PCDHGA8: variants seen among roughly 807,000 people sequenced by gnomAD.
The protein encoded by PCDHGA8 is protocadherin gamma-A8.
PCDHGA8 carries 45 observed loss-of-function variants against 59.2 expected under a neutral mutation model. The ratio of observed to expected loss-of-function variants is 0.76; its 90% confidence interval spans 0.60 to 0.98. The LOEUF is 0.98. Among genes scored for constraint, PCDHGA8 ranks in the 50% least tolerant of loss-of-function variants. The pLI is 0.00. For synonymous variants in PCDHGA8, 531 were observed against 519.0 expected (o/e 1.02, Z -0.32); for missense variants, 1,257 against 1,196.2 (o/e 1.05, Z -0.75).
At chr5:141,415,114 G>C (rs186848544) in intron 1 of PCDHGA8, 1 of 1,613,648 alleles carries the variant, frequency 6.2e-7, no homozygotes, top group Non-Finnish European at 8.5e-7. Flanking sequence ...GCAAAGCCTC[G>C]TAGTGGCCGT....
chr5:141,405,797 T>C (rs1589594153), intron 1 of PCDHGA8, among the ~76,000 whole-genome samples: 1 of 148,508 alleles, frequency 6.7e-6, no homozygotes, highest in Non-Finnish European at 1.5e-5. Flanking sequence ...CTATTATAGT[T>C]AGCTTTCTCT....
At chr5:141,426,775 A>G (rs2096959432) in intron 1 of PCDHGA8, 1 of 456,496 alleles carries the variant, frequency 2.2e-6, no homozygotes, top group South Asian at 1.5e-5. Context: ...GTAGGGCCTC[A>G]CTCTCTCCAG....
chr5:141,441,884 C>A (rs2098281796), intron 1 of PCDHGA8: 10 of 343,702 alleles, frequency 2.9e-5, no homozygotes, highest in South Asian at 2.6e-4. Context: ...TACCTGGTCA[C>A]CAAGGTGGTG....
In PCDHGA8 at chr5:141,477,486, C is replaced by T. The variant is rs1472326209; in HGVS notation, c.2425-17321C>T. On this transcript the variant is annotated intron_variant, in intron 1 of 3. Coordinates refer to ENST00000398604, the MANE Select transcript of PCDHGA8 (RefSeq NM_032088.2). This position sits in a 1 kb window ranked among gnomAD's most constrained non-coding sequence, Gnocchi z 4.9. ...GACATCAATGACAACCCTCCACAATCTTCTCAATCTTCCTACGACGTTTAC... is the reference window on the plus strand; with the variant it reads ...GACATCAATGACAACCCTCCACAATTTTCTCAATCTTCCTACGACGTTTAC... 6.2e-7 allele frequency: 1 copy of T among 1,614,052 alleles called. No individual in the cohort carries two copies. The highest frequency in any genetic ancestry group is 1.3e-5 in the African/African-American group (1 of 74,914).
At position 141,393,679 on chromosome 5, in the gene PCDHGA8, C is replaced by T. The variant is rs1188443485; in HGVS notation, c.866C>T (p.Thr289Ile). 4.3e-6 allele frequency: 7 copies of T among 1,613,894 alleles called. No individual in the cohort carries two copies. Among genetic ancestry groups the T allele is most frequent in the Non-Finnish European group, 5.9e-6 (7 of 1,179,900 alleles). ...TTCCGGAAAATTAATGAAAAACAAA[C>T]TCCGTTATTCCAGCTTAATGAAAAT... ...YKFRKINEKQ[T>I]PLFQLNENTG... is the part of the protein sequence containing the mutation. Residue 289 changes from threonine (T) to isoleucine (I), a missense_variant, in exon 1 of 4, where the codon ACT (threonine) becomes ATT (isoleucine). Thr to Ile is a moderately conservative substitution (Grantham distance 89). Transcript: ENST00000398604.
chr5:141,470,791 A>G (rs1234712958), intron 1 of PCDHGA8, among the ~76,000 whole-genome samples: 3 of 152,152 alleles, frequency 2.0e-5, no homozygotes, highest in African/African-American at 7.2e-5. Context: ...GGGCTCAAGC[A>G]ATCCTCCCAC....
At chr5:141,437,040 C>G (rs188070264) in intron 1 of PCDHGA8, among the ~76,000 whole-genome samples, 1 of 152,266 alleles carries the variant, frequency 6.6e-6, no homozygotes, top group African/African-American at 2.4e-5. Flanking sequence ...ATCACCGAAA[C>G]CAGAAGGCTG....
chr5:141,409,233 G>A, intron 1 of PCDHGA8: 2 of 1,614,008 alleles, frequency 1.2e-6, no homozygotes, highest in Non-Finnish European at 1.7e-6. Flanking sequence ...AACGACAACA[G>A]CCCAGAAATA....
intron 1 of PCDHGA8, chr5:141,403,037 A>G (rs1561685258): frequency 9.3e-6 from 15 of 1,613,972 alleles, no homozygotes; most frequent in South Asian, 5.5e-5. Flanking sequence ...GGCCAGGGCC[A>G]GTCAGATTCG....
chr5:141,470,842 CA>C (rs1300821457), intron 1 of PCDHGA8, among the ~76,000 whole-genome samples: 2 of 152,044 alleles, frequency 1.3e-5, no homozygotes, highest in African/African-American at 4.8e-5. Flanking sequence ...CACACGCCAC[CA>C]TGCTCAGATA....
intron 1 of PCDHGA8, chr5:141,418,506 ATGG>A (rs2096264933): frequency 6.2e-7 from 1 of 1,613,860 alleles, no homozygotes; most frequent in African/African-American, 1.3e-5. Context: ...ACCGCCTTAG[ATGG>A]TGGGGACCCT....
At chr5:141,400,560 C>CGTAA in intron 1 of PCDHGA8, 5 of 1,613,248 alleles carry the variant, frequency 3.1e-6, no homozygotes, top group Non-Finnish European at 3.4e-6. Flanking sequence ...TTTCATTACC[C>CGTAA]ACCCAATTTT....
At chr5:141,409,059 A>G (rs2095217608) in intron 1 of PCDHGA8, 2 of 1,614,050 alleles carry the variant, frequency 1.2e-6, no homozygotes, top group Non-Finnish European at 1.7e-6. Context: ...AGCACTGCCC[A>G]GAGCACAAAA....
In PCDHGA8 at chr5:141,408,872, G is replaced by T. The variant is rs752537671; in HGVS notation, c.2424+13635G>T. 3.1e-6 allele frequency: 5 copies of T among 1,613,448 alleles called. No individual in the cohort carries two copies. The highest frequency in any genetic ancestry group is 4.2e-6 in the Non-Finnish European group (5 of 1,179,760). Reference sequence around the variant, plus strand: ...GGACGGAGGGGACCCACCAAGAAGTGCCACCGCTCACATAGAAATTTCTGT... The same window carrying T: ...GGACGGAGGGGACCCACCAAGAAGTTCCACCGCTCACATAGAAATTTCTGT... On this transcript the variant is annotated intron_variant, in intron 1 of 3. Transcript: ENST00000398604.
At chr5:141,404,947 T>G (rs561446437) in intron 1 of PCDHGA8, 9 of 1,613,826 alleles carry the variant, frequency 5.6e-6, no homozygotes, top group Non-Finnish European at 7.6e-6. Flanking sequence ...TAGCCATAGC[T>G]GACAGCATCC....
In PCDHGA8 at chr5:141,393,238, T is replaced by A; in HGVS notation, c.425T>A (p.Ile142Asn). The change falls in exon 1 of 4, where the codon ATT (isoleucine) becomes AAT (asparagine). Residue 142 changes from isoleucine to asparagine, a missense_variant. Coordinates refer to ENST00000398604, the MANE Select transcript of PCDHGA8 (RefSeq NM_032088.2). ...CAGGTCGAAGATCTAGAAGTAAAAATTAACGAAATCGCGGTTCCTGGAGCA... is the reference window on the plus strand; with the variant it reads ...CAGGTCGAAGATCTAGAAGTAAAAAATAACGAAATCGCGGTTCCTGGAGCA... ...KFQVEDLEVK[I>N]NEIAVPGARY... 1.2e-6 allele frequency: 2 copies of A among 1,613,734 alleles called. No homozygotes were observed. The highest frequency in any genetic ancestry group is 8.5e-7 in the Non-Finnish European group (1 of 1,179,892).
At position 141,394,968 on chromosome 5, in the gene PCDHGA8, T is replaced by C; in HGVS notation, c.2155T>C (p.Trp719Arg). 6.2e-7 allele frequency: 1 copy of C among 1,613,938 alleles called. No homozygotes were observed. The highest frequency in any genetic ancestry group is 8.5e-7 in the Non-Finnish European group (1 of 1,179,874). Reference protein sequence around the residue: ...AVLLGLRLRRWHKSRLLQDSG... With the variant: ...AVLLGLRLRRRHKSRLLQDSG... ...GCTTCTGGGGCTCAGGCTGAGGCGC[T>C]GGCACAAGTCACGCCTGCTCCAGGA... is the stretch of plus-strand genomic sequence containing the variant. Residue 719 changes from tryptophan (W) to arginine (R), a missense_variant, in exon 1 of 4, where the codon TGG becomes CGG. Transcript: ENST00000398604.
chr5:141,501,831 C>G (rs1246452764), intron 2 of PCDHGA8, among the ~76,000 whole-genome samples: 1 of 152,176 alleles, frequency 6.6e-6, no homozygotes, highest in African/African-American at 2.4e-5. Context: ...GCCCACCCAC[C>G]TGTTTGGCCC....
chr5:141,415,690 G>C (rs1218128531), intron 1 of PCDHGA8: 4 of 1,512,972 alleles, frequency 2.6e-6, no homozygotes, highest in Non-Finnish European at 3.6e-6. Context: ...CATGATGGTG[G>C]AAAGTGTAAA....
Sources: allele counts gnomAD v4.1 joint callset (sites outside exome capture counted in the v4.1 genomes callset), GRCh38; gene constraint gnomAD v4.1.1; non-coding constraint Gnocchi (gnomAD v3.1); transcripts MANE v1.5; gene names NCBI Gene and HGNC (gene_info 2026-07-23, HGNC 2026-07-21).